HGF: variants seen among roughly 807,000 people sequenced by gnomAD.
HGF encodes the protein hepatocyte growth factor, also known as fibroblast-derived tumor cytotoxic factor.
Under a neutral mutation model 111.6 loss-of-function variants are expected in HGF, and 39 were observed. The observed-to-expected ratio is 0.35, with a 90% CI of 0.27 to 0.46. The LOEUF is 0.46. Ranked by LOEUF, HGF falls within the 20% of genes least tolerant of loss-of-function variation. The pLI is 1.00. For synonymous variants in HGF, 285 were observed against 294.8 expected (o/e 0.97, Z 0.34); for missense variants, 735 against 910.5 (o/e 0.81, Z 2.48).
chr7:81,719,541 TA>T (rs1408575188), intron 10 of HGF, among the ~76,000 whole-genome samples: 1 of 152,208 alleles, frequency 6.6e-6, no homozygotes, highest in African/African-American at 2.4e-5. Flanking sequence ...GAATATAATG[TA>T]AAAGATATTT....
chr7:81,767,248 A>C (rs1472857392), intron 1 of HGF, among the ~76,000 whole-genome samples: 2 of 152,078 alleles, frequency 1.3e-5, no homozygotes, highest in Non-Finnish European at 2.9e-5. Flanking sequence ...TTTTTAAGTA[A>C]ATTTCAGTTG....
chr7:81,741,498 A>G lies in HGF; in HGVS notation c.865+1855T>C, dbSNP rs148316872. Among the ~76,000 whole-genome samples the G allele has an allele frequency of 3.9e-3, 594 of 151,972 alleles. 3 individuals are homozygous for G. Among genetic ancestry groups the G allele is most frequent in the Non-Finnish European group, 7.2e-3 (487 of 67,954 alleles). Reference sequence around the variant, plus strand: ...TACCCTAAAGATTGGTTTGGAACTGAAGAGGAGGGCAACATTTGGATTTCT... The same window carrying G: ...TACCCTAAAGATTGGTTTGGAACTGGAGAGGAGGGCAACATTTGGATTTCT... On this transcript the variant is annotated intron_variant, in intron 7 of 17. Coordinates refer to ENST00000222390, the MANE Select transcript of HGF (RefSeq NM_000601.6).
Position 81,702,525 on chromosome 7 carries a change from A to C in HGF, c.*56T>G. 7.3e-7 allele frequency: 1 copy of C among 1,372,818 alleles called. No homozygotes were observed. 85.0% of individuals were successfully genotyped at this position (1,372,818 alleles called of 1,614,324 possible). On this transcript the variant is annotated 3_prime_UTR_variant, in exon 18 of 18. Transcript: ENST00000222390. ...ACATTTTAAATTCCACATTCTCTGAAATCTTCATGTAAAAGACAGTTGTAT... is the reference window on the plus strand; with the variant it reads ...ACATTTTAAATTCCACATTCTCTGACATCTTCATGTAAAAGACAGTTGTAT...
chr7:81,708,449 TG>T (rs1207673744), intron 13 of HGF, among the ~76,000 whole-genome samples: 1 of 149,506 alleles, frequency 6.7e-6, no homozygotes, highest in Non-Finnish European at 1.5e-5. Flanking sequence ...TTTTATCCTC[TG>T]GGGTTATAAG....
intron 1 of HGF, among the ~76,000 whole-genome samples, chr7:81,767,892 A>G (rs1250854574): frequency 6.6e-6 from 1 of 152,224 alleles, no homozygotes; most frequent in Non-Finnish European, 1.5e-5. Context: ...TGTGTGTTCT[A>G]AGAGGCTACC....
Position 81,769,178 on chromosome 7 carries a change from A to G in HGF, c.88+706T>C, listed in dbSNP as rs147435401. ...AGCAAACGAGATCTCTAAATCTCCA[A>G]GCAATATGAACTTTCAAGCAACTCC... is the stretch of plus-strand genomic sequence containing the variant. On this transcript the variant is annotated intron_variant, in intron 1 of 17. Transcript: ENST00000222390. 4.6e-5 allele frequency among the ~76,000 whole-genome samples: 7 copies of G among 152,244 alleles called. No individual in the cohort carries two copies. The East Asian group carries it at 1.2e-3, about 25-fold the overall frequency.
intron 1 of HGF, among the ~76,000 whole-genome samples, chr7:81,768,805 A>T (rs1789491716): frequency 6.6e-6 from 1 of 152,092 alleles, no homozygotes; most frequent in Admixed American, 6.5e-5. Context: ...AAACAGTGTC[A>T]TTTTCCAAAC....
chr7:81,769,704 A>T (rs1238701994), intron 1 of HGF, among the ~76,000 whole-genome samples, 180 bp downstream of exon 1: 2 of 151,974 alleles, frequency 1.3e-5, no homozygotes, highest in East Asian at 3.9e-4. Flanking sequence ...TGCTATTCAA[A>T]CAACAACAAA....
At chr7:81,731,386 T>C (rs1289444955) in intron 7 of HGF, among the ~76,000 whole-genome samples, 1 of 152,178 alleles carries the variant, frequency 6.6e-6, no homozygotes, top group Non-Finnish European at 1.5e-5. Flanking sequence ...AAATGTTCAG[T>C]AATTGACCCA....
chr7:81,722,789 G>A (rs1448689075), intron 9 of HGF, among the ~76,000 whole-genome samples: 1 of 140,524 alleles, frequency 7.1e-6, no homozygotes, highest in Non-Finnish European at 1.5e-5. Flanking sequence ...AATCCAGCCT[G>A]GGCGACAGAG....
At chr7:81,749,583 C>T (rs754857794) in intron 5 of HGF, among the ~76,000 whole-genome samples, 32 of 152,140 alleles carry the variant, frequency 2.1e-4, no homozygotes, top group South Asian at 6.2e-4. Context: ...GTGGTAAGAA[C>T]ATTTAACATC....
chr7:81,722,317 C>CCA (rs748421439), intron 9 of HGF, among the ~76,000 whole-genome samples: 4 of 151,574 alleles, frequency 2.6e-5, no homozygotes, highest in Non-Finnish European at 4.4e-5. Context: ...GCATGCATCA[C>CCA]CACACCTGGC....
chr7:81,714,867 T>C (rs1286352104), intron 11 of HGF, among the ~76,000 whole-genome samples: 1 of 152,060 alleles, frequency 6.6e-6, no homozygotes, highest in African/African-American at 2.4e-5. Context: ...ATCCTGGCTA[T>C]AAATATTAGT....
rs2115928863 is a variant in HGF, at chr7:81,729,723, C to T, written c.922G>A (p.Gly308Ser). 1 of 1,613,902 alleles carries T rather than the reference C, an allele frequency of 6.2e-7. No individual in the cohort carries two copies. Among genetic ancestry groups the T allele is most frequent in the Non-Finnish European group, 8.5e-7 (1 of 1,179,900 alleles). ...GTGCCCCTGTAGCCTTCTCCTTGAC[C>T]TTGGATGCATTCAGTTGTTTCCAAA... is the stretch of plus-strand genomic sequence containing the variant. ...VPLETTECIQGQGEGYRGTVN... is the reference protein window; with the variant it reads ...VPLETTECIQSQGEGYRGTVN... Residue 308 changes from glycine (G) to serine (S), a missense_variant, in exon 8 of 18, where the codon GGT becomes AGT. This residue lies in a region of HGF where 553 missense variants were observed against 685.6 expected (regional missense o/e 0.81). Coordinates refer to ENST00000222390, the MANE Select transcript of HGF (RefSeq NM_000601.6).
At chr7:81,743,293 C>T (rs898231028) in intron 7 of HGF, 60 bp downstream of exon 7, 24 of 943,778 alleles carry the variant, frequency 2.5e-5, no homozygotes, top group Non-Finnish European at 3.7e-5. Flanking sequence ...CACTAATAAT[C>T]GCCTGCTTAG....
chr7:81,755,876 A>G, intron 4 of HGF: 1 of 591,090 alleles, frequency 1.7e-6, no homozygotes, highest in Non-Finnish European at 3.0e-6. Flanking sequence ...CAGCTTGGAC[A>G]CTTACTAGCT....
chr7:81,766,264 G>T (rs1358342681), intron 1 of HGF, among the ~76,000 whole-genome samples: 1 of 152,132 alleles, frequency 6.6e-6, no homozygotes, highest in Non-Finnish European at 1.5e-5. Context: ...TGCAAGGAAA[G>T]GATTTGCAGG....
intron 4 of HGF, among the ~76,000 whole-genome samples, chr7:81,752,574 G>A (rs1203520977): frequency 6.6e-6 from 1 of 152,100 alleles, no homozygotes; most frequent in Non-Finnish European, 1.5e-5. Flanking sequence ...TCCACTAAAA[G>A]ATAGCAGGTG....
At chr7:81,710,645 C>G (rs1443740647) in intron 12 of HGF, among the ~76,000 whole-genome samples, 1 of 151,946 alleles carries the variant, frequency 6.6e-6, no homozygotes, top group African/African-American at 2.4e-5. Flanking sequence ...AAAACAAAAC[C>G]AAGCTTTACT....
Sources: allele counts gnomAD v4.1 joint callset (sites outside exome capture counted in the v4.1 genomes callset), GRCh38; gene constraint gnomAD v4.1.1; regional missense constraint gnomAD v4.1.1; transcripts MANE v1.5; gene names NCBI Gene and HGNC (gene_info 2026-07-23, HGNC 2026-07-21).